The following COLEC11 variants were observed in gnomAD, a reference collection of about 807,000 sequenced individuals.
COLEC11 encodes collectin-11.
In COLEC11, 20 loss-of-function variants were observed where a neutral mutation model predicts 27.3. The ratio of observed to expected loss-of-function variants is 0.73; its 90% CI spans 0.51 to 1.06. The LOEUF (loss-of-function observed/expected upper bound fraction) is 1.06, where lower values mean the gene tolerates loss of function less well. Ranked by LOEUF, COLEC11 falls within the 50% of genes least tolerant of loss-of-function variation. The pLI, the probability that COLEC11 is intolerant of heterozygous loss-of-function variation, is 0.00. For missense variants in COLEC11, 310 were observed against 383.0 expected (o/e 0.81, Z 1.59); for synonymous variants, 163 against 154.7 (o/e 1.05, Z -0.40).
intron 5 of COLEC11, among the ~76,000 whole-genome samples, chr2:3,642,054 C>T (rs1049588620): frequency 2.0e-5 from 3 of 152,198 alleles, no homozygotes; most frequent in Non-Finnish European, 2.9e-5. Context: ...GGAACAAACT[C>T]GCAGCCGGAG....
chr2:3,608,776 G>A (rs116274194), intron 2 of COLEC11, among the ~76,000 whole-genome samples: 231 of 152,384 alleles, frequency 1.5e-3, no homozygotes, highest in African/African-American at 5.1e-3. Context: ...ACAAGGCGGA[G>A]GCGACGGGGA....
In COLEC11 at chr2:3,602,316, T is replaced by C. The variant is rs1662290354; in HGVS notation, c.-26-1999T>C. 6.6e-6 allele frequency among the ~76,000 whole-genome samples: 1 copy of C among 152,162 alleles called. No homozygotes were observed. Among genetic ancestry groups the C allele is most frequent in the Non-Finnish European group, 1.5e-5 (1 of 68,032 alleles). ...ACCCACTGGGTCACATAGGAGTCTA[T>C]AGTGTCTCAGACTCGGAAAGTTGAA... On this transcript the variant is annotated intron_variant, in intron 1 of 6. Transcript: ENST00000349077. This position sits in a 1 kb window ranked among gnomAD's most constrained non-coding sequence, Gnocchi z 6.2.
At chr2:3,603,350 G>A (rs565143854) in intron 1 of COLEC11, 31 of 241,358 alleles carry the variant, frequency 1.3e-4, no homozygotes, top group East Asian at 4.3e-4. Flanking sequence ...ACGGAGTCTC[G>A]CTGTCATGCA....
intron 3 of COLEC11, among the ~76,000 whole-genome samples, chr2:3,616,819 T>C (rs1442643671): frequency 6.7e-6 from 1 of 150,090 alleles, no homozygotes; most frequent in Admixed American, 6.6e-5. Context: ...AGGGAGACTG[T>C]GGGGAGAGGG....
chr2:3,624,648 G>A (rs935639786), intron 3 of COLEC11, among the ~76,000 whole-genome samples: 1 of 152,154 alleles, frequency 6.6e-6, no homozygotes, highest in Non-Finnish European at 1.5e-5. Flanking sequence ...TGTGGGAAAC[G>A]GTCACACGGG....
intron 5 of COLEC11, 92 bp from the exon 6 acceptor site, chr2:3,643,352 T>G: frequency 9.3e-7 from 1 of 1,073,618 alleles, no homozygotes; most frequent in Non-Finnish European, 1.4e-6. Flanking sequence ...GTTTGTTGAG[T>G]AAAATGTGCA....
intron 3 of COLEC11, among the ~76,000 whole-genome samples, chr2:3,620,437 T>G (rs891367710): frequency 6.6e-6 from 1 of 152,202 alleles, no homozygotes; most frequent in Admixed American, 6.5e-5. Flanking sequence ...GAGTTACCTC[T>G]TTTTTCTTCG....
At chr2:3,629,497 C>T (rs1664811063) in intron 3 of COLEC11, among the ~76,000 whole-genome samples, 1 of 152,204 alleles carries the variant, frequency 6.6e-6, no homozygotes, top group Non-Finnish European at 1.5e-5. Flanking sequence ...CACTCATGCA[C>T]ACACGTGCAC....
Position 3,602,253 on chromosome 2 carries a change from C to A in COLEC11, c.-26-2062C>A, listed in dbSNP as rs1662286211. Among the ~76,000 whole-genome samples, 1 of 152,096 alleles carries A rather than the reference C, an allele frequency of 6.6e-6. No individual in the cohort carries two copies. ...ATTGTGGGAGAGAAAATGGAGGGTA[C>A]CCTGACCCCCAAGCCTTGCAAACCG... On this transcript the variant is annotated intron_variant, in intron 1 of 6. Coordinates refer to ENST00000349077, the MANE Select transcript of COLEC11 (RefSeq NM_024027.5). This position sits in a 1 kb window ranked among gnomAD's most constrained non-coding sequence, Gnocchi z 6.2.
intron 4 of COLEC11, among the ~76,000 whole-genome samples, chr2:3,639,390 C>T (rs553879763): frequency 2.6e-5 from 4 of 152,296 alleles, no homozygotes; most frequent in African/African-American, 9.6e-5. Context: ...TGATTTGCTT[C>T]GTGTCTGAGA....
intron 2 of COLEC11, among the ~76,000 whole-genome samples, chr2:3,607,532 C>A (rs1419120464): frequency 7.0e-6 from 1 of 142,722 alleles, no homozygotes; most frequent in Admixed American, 7.9e-5. Flanking sequence ...ACTGCAGCCT[C>A]CGCCTCTCAG....
At chr2:3,627,661 C>T (rs1664660243) in intron 3 of COLEC11, among the ~76,000 whole-genome samples, 1 of 148,888 alleles carries the variant, frequency 6.7e-6, no homozygotes, top group South Asian at 2.2e-4. Context: ...TGACTCTGGG[C>T]ACGATGACGC....
chr2:3,640,144 C>T (rs543551518), intron 4 of COLEC11, 134 bp from the exon 5 acceptor site: 15 of 706,864 alleles, frequency 2.1e-5, no homozygotes, highest in Non-Finnish European at 3.9e-5. Flanking sequence ...CAGAATGGGG[C>T]TCCGGTACTT....
intron 5 of COLEC11, among the ~76,000 whole-genome samples, 169 bp from the exon 6 acceptor site, chr2:3,643,275 C>T (rs1666003081): frequency 6.6e-6 from 1 of 152,234 alleles, no homozygotes. Context: ...GAGGTCCTTC[C>T]CTGCTCCCCC....
At chr2:3,615,757 G>C (rs549430372) in intron 3 of COLEC11, among the ~76,000 whole-genome samples, 42 of 151,388 alleles carry the variant, frequency 2.8e-4, no homozygotes, top group African/African-American at 9.9e-4. Context: ...GGCGGTGGCC[G>C]GGCAGAGGCT....
intron 3 of COLEC11, among the ~76,000 whole-genome samples, chr2:3,619,797 T>G (rs1165069097): frequency 6.6e-6 from 1 of 152,130 alleles, no homozygotes; most frequent in Non-Finnish European, 1.5e-5. Flanking sequence ...AGCAAATTTT[T>G]GTATTTTTAG....
At chr2:3,612,271 CACAT>C (rs1663265980) in intron 2 of COLEC11, among the ~76,000 whole-genome samples, 1 of 152,194 alleles carries the variant, frequency 6.6e-6, no homozygotes. Flanking sequence ...CACATGCACA[CACAT>C]GCACACACAC....
At chr2:3,638,846 T>C (rs13409985) in intron 4 of COLEC11, among the ~76,000 whole-genome samples, 9,632 of 152,266 alleles carry the variant, frequency 0.063, 1,007 homozygotes, top group African/African-American at 0.22. Flanking sequence ...CCATTTTAAG[T>C]ATTTTAAGTG....
Position 3,644,235 on chromosome 2 carries a change from A to C in COLEC11, c.*117A>C, listed in dbSNP as rs1001008242. Reference sequence around the variant, plus strand: ...GTCCCTCTGTGAAGGGTGGAGGCTCACTGAGTAGAGGGCTGTTGTCTAAAC... The same window carrying C: ...GTCCCTCTGTGAAGGGTGGAGGCTCCCTGAGTAGAGGGCTGTTGTCTAAAC... On this transcript the variant is annotated 3_prime_UTR_variant, in exon 7 of 7. Transcript: ENST00000349077. 4 of 1,306,710 alleles carry C rather than the reference A, an allele frequency of 3.1e-6. No individual in the cohort carries two copies. In the African/African-American group the frequency reaches 4.3e-5, roughly 14 times the overall value. 80.9% of individuals were successfully genotyped at this position (1,306,710 alleles called of 1,614,324 possible). A position where few individuals can be genotyped will look rare whatever the true frequency, so the allele number is the denominator to read the frequency against.
Sources: allele counts gnomAD v4.1 joint callset (sites outside exome capture counted in the v4.1 genomes callset), GRCh38; gene constraint gnomAD v4.1.1; non-coding constraint Gnocchi (gnomAD v3.1); transcripts MANE v1.5; gene names NCBI Gene and HGNC (gene_info 2026-07-23, HGNC 2026-07-21).